WT1: variants seen among roughly 807,000 people sequenced by gnomAD.
WT1 encodes the protein Wilms tumor protein.
WT1 carries 8 observed loss-of-function variants against 60.8 expected under a neutral mutation model. The ratio of observed to expected loss-of-function variants is 0.13; its 90% CI spans 0.08 to 0.24. The LOEUF (loss-of-function observed/expected upper bound fraction) is 0.24. Ranked by LOEUF, WT1 falls within the 10% of genes least tolerant of loss-of-function variation. WT1 has a pLI of 1.00. For missense variants in WT1, 568 were observed against 711.8 expected, an observed-to-expected ratio of 0.80 and a Z score of 2.30; for synonymous variants, 312 against 297.1, an observed-to-expected ratio of 1.05 and a Z score of -0.52.
In WT1 at chr11:32,405,225, C is replaced by G. The variant is rs1852272388; in HGVS notation, c.1017-5181G>C. On this transcript the variant is annotated intron_variant, in intron 5 of 9. Transcript: ENST00000452863. ...CTCTGACCAACAGAGGCAGCCACGA[C>G]TCAGCTCTCCCAGCCAATAACTGTA... 2.0e-5 allele frequency among the ~76,000 whole-genome samples: 3 copies of G among 152,190 alleles called. No homozygotes were observed. The South Asian group carries it at 6.2e-4, about 31-fold the overall frequency.
intron 5 of WT1, 57 bp downstream of exon 5, chr11:32,416,433 G>A (rs1211674783): frequency 4.3e-6 from 7 of 1,610,234 alleles, no homozygotes; most frequent in Non-Finnish European, 5.9e-6. Flanking sequence ...ATTGCCCCAG[G>A]TGCCAGTCAG....
At chr11:32,429,099 C>T (rs755995892) in intron 1 of WT1, 1 of 274,560 alleles carries the variant, frequency 3.6e-6, no homozygotes, top group East Asian at 8.6e-5. Context: ...ATTAATTACT[C>T]GGAGCCAGTT....
At chr11:32,424,979 A>G (rs1318545104) in intron 3 of WT1, among the ~76,000 whole-genome samples, 3 of 152,148 alleles carry the variant, frequency 2.0e-5, no homozygotes, top group Non-Finnish European at 2.9e-5. Flanking sequence ...GGAGTTTGAG[A>G]CCAACCTGGC....
intron 1 of WT1, among the ~76,000 whole-genome samples, chr11:32,431,913 G>A (rs1038355547): frequency 7.9e-5 from 12 of 152,050 alleles, no homozygotes; most frequent in African/African-American, 1.9e-4. Context: ...ACCCTAGCAT[G>A]GTCTGGGTTC....
intron 5 of WT1, among the ~76,000 whole-genome samples, chr11:32,402,228 AG>A (rs1394727293): frequency 2.0e-5 from 3 of 152,346 alleles, no homozygotes; most frequent in Admixed American, 2.0e-4. Context: ...TATCTAGGGC[AG>A]GGGGAATGTC....
chr11:32,389,792 C>T (rs1851763840), intron 9 of WT1, among the ~76,000 whole-genome samples: 1 of 151,416 alleles, frequency 6.6e-6, no homozygotes, highest in African/African-American at 2.4e-5. Context: ...ATGGAAGATT[C>T]TAGTTGGGGC....
At chr11:32,428,697 G>C in intron 1 of WT1, 78 bp from the exon 2 acceptor site, 2 of 1,543,930 alleles carry the variant, frequency 1.3e-6, no homozygotes, top group Non-Finnish European at 8.6e-7. Context: ...CCAGCCACGG[G>C]CGGGGGGGGT....
chr11:32,429,168 G>A (rs753867797), intron 1 of WT1: 79 of 205,322 alleles, frequency 3.8e-4, no homozygotes, highest in Admixed American at 8.9e-4. Flanking sequence ...TCTGTCTGGG[G>A]CTACCCGACC....
intron 1 of WT1, among the ~76,000 whole-genome samples, chr11:32,431,500 G>A (rs1853309882): frequency 6.7e-6 from 1 of 148,948 alleles, no homozygotes; most frequent in South Asian, 2.1e-4. Flanking sequence ...GCAGTGGCGC[G>A]ATCTCAGCTC....
chr11:32,423,649 T>C (rs72909474), intron 3 of WT1, among the ~76,000 whole-genome samples: 6,994 of 152,254 alleles, frequency 0.046, 216 homozygotes, highest in Non-Finnish European at 0.074. Context: ...CTGTATTGCC[T>C]GAATTTGAAC....
intron 5 of WT1, among the ~76,000 whole-genome samples, chr11:32,412,811 A>T (rs2133016229): frequency 6.6e-6 from 1 of 151,900 alleles, no homozygotes; most frequent in African/African-American, 2.4e-5. Flanking sequence ...ACATTCTCCC[A>T]TTGGAGGTCA....
intron 3 of WT1, among the ~76,000 whole-genome samples, chr11:32,426,171 C>G (rs889418852): frequency 6.6e-6 from 1 of 152,136 alleles, no homozygotes; most frequent in African/African-American, 2.4e-5. Context: ...CAGTCCCCAA[C>G]CCCCAAGAAC....
Position 32,392,714 on chromosome 11 carries a change from T to G in WT1, c.1306A>C (p.Arg436=). ...TTGAGCTGGTCTGAACGAGAAAACCTTCGTTCACAGTCCTTGAAGTCACAC... is the reference window on the plus strand; with the variant it reads ...TTGAGCTGGTCTGAACGAGAAAACCGTCGTTCACAGTCCTTGAAGTCACAC... The change falls in exon 8 of 10, where the codon AGG becomes CGG. Residue 436 remains arginine (R), a synonymous_variant. Transcript: ENST00000452863. The G allele has an allele frequency of 6.2e-7, 1 of 1,614,046 alleles. No homozygotes were observed. Among genetic ancestry groups the G allele is most frequent in the South Asian group, 1.1e-5 (1 of 91,080 alleles).
chr11:32,427,567 C>T (rs1204992832), intron 3 of WT1, among the ~76,000 whole-genome samples: 2 of 152,154 alleles, frequency 1.3e-5, no homozygotes, highest in Non-Finnish European at 2.9e-5. Flanking sequence ...TACGCGCCTT[C>T]GAGGTAGTCT....
chr11:32,427,716 C>T (rs559667739), intron 3 of WT1, among the ~76,000 whole-genome samples: 23 of 152,356 alleles, frequency 1.5e-4, no homozygotes, highest in Admixed American at 3.9e-4. Flanking sequence ...AGCGCCGCTC[C>T]TTCTTCAGCT....
chr11:32,424,545 T>C (rs1459870158), intron 3 of WT1, among the ~76,000 whole-genome samples: 2 of 152,194 alleles, frequency 1.3e-5, no homozygotes, highest in African/African-American at 4.8e-5. Flanking sequence ...AGACACCTGG[T>C]TTCAGAAACC....
intron 3 of WT1, among the ~76,000 whole-genome samples, chr11:32,419,698 A>G (rs796960520): frequency 3.3e-5 from 5 of 152,326 alleles, no homozygotes; most frequent in African/African-American, 9.6e-5. Context: ...GAGAAAATAA[A>G]CATTTTTTTC....
intron 3 of WT1, among the ~76,000 whole-genome samples, chr11:32,422,930 T>C (rs1852901435): frequency 6.6e-6 from 1 of 152,200 alleles, no homozygotes; most frequent in Non-Finnish European, 1.5e-5. Flanking sequence ...AAACAATCAG[T>C]GTGCATGGGA....
intron 5 of WT1, among the ~76,000 whole-genome samples, chr11:32,416,193 A>T (rs544145852): frequency 6.6e-6 from 1 of 152,364 alleles, no homozygotes; most frequent in East Asian, 1.9e-4. Flanking sequence ...TATGGTTGTA[A>T]TGCCACAAAT....
Sources: gnomAD v4.1 joint callset for allele counts (sites outside exome capture counted in the v4.1 genomes callset) on GRCh38, gnomAD v4.1.1 for gene constraint, MANE v1.5 for transcripts, NCBI Gene and HGNC (gene_info 2026-07-23, HGNC 2026-07-21) for gene names.